Variants in ALDH5A1 observed in about 807,000 individuals in gnomAD.
ALDH5A1 encodes the protein succinate-semialdehyde dehydrogenase, mitochondrial.
In ALDH5A1, 33 loss-of-function variants were observed where a neutral mutation model predicts 54.7. The ratio of observed to expected loss-of-function variants is 0.60; its 90% CI spans 0.46 to 0.81. ALDH5A1 has a LOEUF of 0.81. ALDH5A1 is among the 30% of genes least tolerant of loss of function. The pLI is 0.00. For missense variants in ALDH5A1, 657 were observed against 711.0 expected (o/e 0.92, Z 0.86); for synonymous variants, 294 against 292.7 (o/e 1.00, Z -0.05).
chr6:24,498,656 C>T (rs145076722), intron 1 of ALDH5A1, among the ~76,000 whole-genome samples: 1 of 152,190 alleles, frequency 6.6e-6, no homozygotes, highest in Non-Finnish European at 1.5e-5. Context: ...TCTCAGGGAA[C>T]CTTCCTTTTT....
chr6:24,523,329 A>T (rs1010291243), intron 7 of ALDH5A1, among the ~76,000 whole-genome samples: 2 of 151,962 alleles, frequency 1.3e-5, no homozygotes, highest in African/African-American at 4.8e-5. Flanking sequence ...AAAATTAATA[A>T]TAGCTAAAAA....
At chr6:24,499,278 C>T (rs1436114455) in intron 1 of ALDH5A1, among the ~76,000 whole-genome samples, 1 of 151,934 alleles carries the variant, frequency 6.6e-6, no homozygotes, top group Non-Finnish European at 1.5e-5. Context: ...GGTGACAGAG[C>T]GAGACTGTCT....
chr6:24,519,996 C>G (rs1021909655), intron 5 of ALDH5A1, among the ~76,000 whole-genome samples: 3 of 152,034 alleles, frequency 2.0e-5, no homozygotes, highest in Non-Finnish European at 4.4e-5. Context: ...CTACCCCAAC[C>G]CTGACTCACT....
At chr6:24,495,848 A>G (rs578160803) in intron 1 of ALDH5A1, among the ~76,000 whole-genome samples, 2 of 152,178 alleles carry the variant, frequency 1.3e-5, no homozygotes, top group Non-Finnish European at 2.9e-5. Flanking sequence ...AGAGAACTGT[A>G]GAAAGATTTG....
At chr6:24,520,713 G>A (rs555985424) in intron 6 of ALDH5A1, among the ~76,000 whole-genome samples, 169 bp downstream of exon 6, 6 of 152,034 alleles carry the variant, frequency 3.9e-5, no homozygotes, top group African/African-American at 1.4e-4. Flanking sequence ...GAAACTTTTG[G>A]GTTCCTTCCA....
At position 24,499,363 on chromosome 6, in the gene ALDH5A1, C is replaced by T. The variant is rs556655711; in HGVS notation, c.355-3160C>T. Among the ~76,000 whole-genome samples, 7 of 152,306 alleles carry T rather than the reference C, an allele frequency of 4.6e-5. No individual in the cohort carries two copies. The East Asian group carries it at 1.4e-3, about 29-fold the overall frequency. ...ATGTGGGAAGCTACAGCCTGAGCAGCGCTCTCTTTAGAGTGCCTTGATGGC... is the reference window on the plus strand; with the variant it reads ...ATGTGGGAAGCTACAGCCTGAGCAGTGCTCTCTTTAGAGTGCCTTGATGGC... On this transcript the variant is annotated intron_variant, in intron 1 of 9. Transcript: ENST00000357578.
chr6:24,520,497 C>T lies in ALDH5A1; in HGVS notation c.967C>T (p.Gln323Ter), dbSNP rs902343792. 6.2e-7 allele frequency: 1 copy of T among 1,614,130 alleles called. No homozygotes were observed. The highest frequency in any genetic ancestry group is 1.3e-5 in the African/African-American group (1 of 75,018). The stretch of plus-strand genomic sequence containing the variant: ...AGTATTTGACAGTGCCAACGTGGAC[C>T]AGGCTGTAGCAGGGGCCATGGCATC... ...FIVFDSANVD[Q>*]AVAGAMASKF... The change falls in exon 6 of 10, where the codon CAG (glutamine) becomes TAG (stop). Residue 323 changes from glutamine (Q) to a stop codon, truncating the protein, a stop_gained. Transcript: ENST00000357578. LOFTEE classifies it high-confidence loss of function.
chr6:24,526,468 GAAGT>G (rs1346224806), intron 7 of ALDH5A1, among the ~76,000 whole-genome samples: 1 of 152,086 alleles, frequency 6.6e-6, no homozygotes, highest in African/African-American at 2.4e-5. Context: ...AATAAAAAAA[GAAGT>G]ATGTTCTAGG....
chr6:24,526,005 G>T (rs1008032674), intron 7 of ALDH5A1, among the ~76,000 whole-genome samples: 8 of 152,242 alleles, frequency 5.3e-5, no homozygotes, highest in Non-Finnish European at 1.0e-4. Flanking sequence ...TCAAGAGCGA[G>T]GCTAGGTACC....
At chr6:24,514,364 A>T (rs1759520722) in intron 4 of ALDH5A1, among the ~76,000 whole-genome samples, 1 of 152,084 alleles carries the variant, frequency 6.6e-6, no homozygotes, top group African/African-American at 2.4e-5. Context: ...TTTTCTTGGC[A>T]TCTCCTTTGA....
At chr6:24,519,212 G>T (rs1268365736) in intron 5 of ALDH5A1, among the ~76,000 whole-genome samples, 2 of 151,928 alleles carry the variant, frequency 1.3e-5, no homozygotes, top group Non-Finnish European at 2.9e-5. Context: ...CCAACAGATG[G>T]GGCCTGAATA....
intron 6 of ALDH5A1, among the ~76,000 whole-genome samples, chr6:24,522,388 A>G (rs2127387796): frequency 6.6e-6 from 1 of 151,940 alleles, no homozygotes. Context: ...GTCTCCTAGG[A>G]GAATTGCACT....
Position 24,515,323 on chromosome 6 carries a change from AG to A in ALDH5A1, c.870+14del. ...AACTACAGGAAAGGTATGTGACTCA[AG>A]TTTCAAAGAAAACAAATGTCTTTCT... On this transcript the variant is annotated intron_variant, in intron 5 of 9. Transcript: ENST00000357578. 6.2e-7 allele frequency: 1 copy of A among 1,613,314 alleles called. No homozygotes were observed. The highest frequency in any genetic ancestry group is 8.5e-7 in the Non-Finnish European group (1 of 1,179,342).
intron 5 of ALDH5A1, 151 bp downstream of exon 5, chr6:24,515,461 A>C: frequency 2.2e-5 from 20 of 927,026 alleles, no homozygotes; most frequent in East Asian, 2.7e-5. Flanking sequence ...ACGGCGGCTC[A>C]TGCCTGTAAT....
intron 6 of ALDH5A1, among the ~76,000 whole-genome samples, chr6:24,522,319 A>T (rs1759700404): frequency 6.6e-6 from 1 of 152,046 alleles, no homozygotes; most frequent in Admixed American, 6.6e-5. Context: ...AAAACAAAAG[A>T]CTATAAGTTG....
chr6:24,496,232 T>G (rs1325967270), intron 1 of ALDH5A1, among the ~76,000 whole-genome samples: 1 of 152,188 alleles, frequency 6.6e-6, no homozygotes, highest in Non-Finnish European at 1.5e-5. Flanking sequence ...ATACCTCAGT[T>G]AAACGAAAGA....
At chr6:24,496,675 G>C (rs909946530) in intron 1 of ALDH5A1, among the ~76,000 whole-genome samples, 1 of 152,172 alleles carries the variant, frequency 6.6e-6, no homozygotes, top group African/African-American at 2.4e-5. Context: ...CCCAAGTGAG[G>C]ATGTAAAGTA....
intron 1 of ALDH5A1, among the ~76,000 whole-genome samples, chr6:24,499,208 A>C (rs1240547898): frequency 6.6e-6 from 1 of 151,880 alleles, no homozygotes; most frequent in African/African-American, 2.4e-5. Context: ...GAATTGCTTG[A>C]GCCCAGGAGG....
At position 24,495,172 on chromosome 6, in the gene ALDH5A1, T is replaced by C. The variant is rs1001493071; in HGVS notation, c.176T>C (p.Leu59Pro). ...CTGGCGGGCCTCTCTGCGGCGCTGCTGCGCACCGACAGCTTCGTGGGCGGC... is the reference window on the plus strand; with the variant it reads ...CTGGCGGGCCTCTCTGCGGCGCTGCCGCGCACCGACAGCTTCGTGGGCGGC... ...GRLAGLSAAL[L>P]RTDSFVGGRW... The change falls in exon 1 of 10, where the codon CTG (leucine) becomes CCG (proline). Residue 59 changes from leucine to proline, a missense_variant. Leu to Pro is a moderately conservative substitution (Grantham distance 98). Coordinates refer to ENST00000357578, the MANE Select transcript of ALDH5A1 (RefSeq NM_001080.3). The C allele has an allele frequency of 2.3e-5, 34 of 1,494,446 alleles. No homozygotes were observed. Among genetic ancestry groups the C allele is most frequent in the Non-Finnish European group, 4.4e-6 (5 of 1,129,566 alleles). 92.6% of individuals were successfully genotyped at this position (1,494,446 alleles called of 1,614,324 possible).
Sources: gnomAD v4.1 joint callset for allele counts (sites outside exome capture counted in the v4.1 genomes callset) on GRCh38, gnomAD v4.1.1 for gene constraint, MANE v1.5 for transcripts, NCBI Gene and HGNC (gene_info 2026-07-23, HGNC 2026-07-21) for gene names.